FHIP1A: variants seen among roughly 807,000 people sequenced by gnomAD.
FHIP1A encodes FHF complex subunit HOOK interacting protein 1A, also known as FHF complex subunit HOOK-interacting protein 1A.
In FHIP1A, 61 loss-of-function variants were observed where a neutral mutation model predicts 88.6. That is an observed-to-expected ratio of 0.69 (90% confidence interval 0.56 to 0.85). The LOEUF (loss-of-function observed/expected upper bound fraction) is 0.85, where lower values mean the gene tolerates loss of function less well. FHIP1A is among the 40% of genes least tolerant of loss of function. FHIP1A has a pLI of 0.00. For synonymous variants in FHIP1A, 478 were observed against 496.0 expected (o/e 0.96, Z 0.48); for missense variants, 1,154 against 1,273.5 (o/e 0.91, Z 1.43).
At chr4:151,630,860 T>C (rs572244297) in intron 8 of FHIP1A, among the ~76,000 whole-genome samples, 1 of 152,246 alleles carries the variant, frequency 6.6e-6, no homozygotes, top group East Asian at 1.9e-4. Context: ...CAGAAAGAAA[T>C]TTGGGAAATT....
chr4:151,571,313 A>C (rs1221963048), intron 4 of FHIP1A, among the ~76,000 whole-genome samples: 1 of 152,258 alleles, frequency 6.6e-6, no homozygotes, highest in Non-Finnish European at 1.5e-5. Flanking sequence ...TTCTACCTTC[A>C]GCCTTTAAAA....
intron 3 of FHIP1A, among the ~76,000 whole-genome samples, chr4:151,524,135 C>A (rs529359221): frequency 1.3e-5 from 2 of 152,052 alleles, no homozygotes; most frequent in African/African-American, 2.4e-5. Context: ...CACAGTGAAA[C>A]CCTGTCTCTA....
chr4:151,486,971 A>G (rs1730110637), intron 3 of FHIP1A, among the ~76,000 whole-genome samples: 1 of 151,660 alleles, frequency 6.6e-6, no homozygotes, highest in South Asian at 2.1e-4. Context: ...TCCATTTAAA[A>G]AAAAAAAAAA....
chr4:151,488,007 T>C (rs1730146899), intron 3 of FHIP1A, among the ~76,000 whole-genome samples: 2 of 152,210 alleles, frequency 1.3e-5, no homozygotes, highest in Admixed American at 6.5e-5. Flanking sequence ...AAACTACACT[T>C]CTGCTTCTCT....
At chr4:151,568,506 G>C (rs568227256) in intron 4 of FHIP1A, among the ~76,000 whole-genome samples, 2 of 152,274 alleles carry the variant, frequency 1.3e-5, no homozygotes, top group East Asian at 3.9e-4. Flanking sequence ...GAATGAAAAT[G>C]CTGGTTGAAG....
At chr4:151,516,209 C>T (rs1440124945) in intron 3 of FHIP1A, among the ~76,000 whole-genome samples, 1 of 152,168 alleles carries the variant, frequency 6.6e-6, no homozygotes, top group East Asian at 1.9e-4. Context: ...GAAAGGATTC[C>T]CTATTTAATA....
At chr4:151,518,180 C>G (rs550197828) in intron 3 of FHIP1A, among the ~76,000 whole-genome samples, 5 of 152,196 alleles carry the variant, frequency 3.3e-5, no homozygotes, top group Admixed American at 2.0e-4. Flanking sequence ...TTTTATTTTT[C>G]ATACTGTGTT....
intron 1 of FHIP1A, among the ~76,000 whole-genome samples, chr4:151,430,322 C>T (rs1733545782): frequency 6.6e-6 from 1 of 152,142 alleles, no homozygotes; most frequent in East Asian, 1.9e-4. Context: ...TTATAAAGTG[C>T]CTTACATTCC....
rs1234536347 is a variant in FHIP1A at position 151,646,667 on chromosome 4, T to C, written c.1336T>C (p.Cys446Arg). The C allele has an allele frequency of 1.3e-6, 2 of 1,551,658 alleles. No individual in the cohort carries two copies. The highest frequency in any genetic ancestry group is 2.0e-5 in the Admixed American group (1 of 51,012). The change falls in exon 10 of 14, where the codon TGC becomes CGC. Residue 446 changes from cysteine (C) to arginine (R), a missense_variant. Transcript: ENST00000435205. ...GCTTCTCGCCTTGACTCCTGTCTGCTGCTCCAGCGGGATCACTCTGACGCT... is the reference window on the plus strand; with the variant it reads ...GCTTCTCGCCTTGACTCCTGTCTGCCGCTCCAGCGGGATCACTCTGACGCT... ...AKLLALTPVC[C>R]SSGITLTLGN...
chr4:151,445,866 ATATAT>A, intron 1 of FHIP1A, among the ~76,000 whole-genome samples: 1 of 140,626 alleles, frequency 7.1e-6, no homozygotes, highest in Non-Finnish European at 1.5e-5. Context: ...ATATATATAT[ATATAT>A]ATTTCATATG....
chr4:151,557,958 A>G lies in FHIP1A; in HGVS notation c.-122-8180A>G, dbSNP rs577384444. 7.9e-5 allele frequency among the ~76,000 whole-genome samples: 12 copies of G among 152,326 alleles called. No individual in the cohort carries two copies. The South Asian group carries it at 2.1e-3, about 26-fold the overall frequency. ...TGCTACAGTGTATGTTGTTCTATAT[A>G]TAAGGGAGAGACATTGAGAATGTAT... On this transcript the variant is annotated intron_variant, in intron 3 of 13. Coordinates refer to ENST00000435205, the MANE Select transcript of FHIP1A (RefSeq NM_001109977.3).
chr4:151,533,876 A>G (rs1351154604), intron 3 of FHIP1A, among the ~76,000 whole-genome samples: 3 of 152,264 alleles, frequency 2.0e-5, no homozygotes, highest in African/African-American at 7.2e-5. Context: ...TAATGCAATC[A>G]GAAACCCTGT....
At chr4:151,652,130 G>C (rs898048149) in intron 11 of FHIP1A, among the ~76,000 whole-genome samples, 7 of 152,076 alleles carry the variant, frequency 4.6e-5, no homozygotes, top group African/African-American at 1.4e-4. Flanking sequence ...CCTGGGAAAT[G>C]TGTAAATAGA....
At chr4:151,590,567 A>G (rs1196325956) in intron 7 of FHIP1A, among the ~76,000 whole-genome samples, 1 of 152,206 alleles carries the variant, frequency 6.6e-6, no homozygotes, top group Non-Finnish European at 1.5e-5. Flanking sequence ...GCGTGCTTTC[A>G]GTTATGGCAT....
At chr4:151,552,041 G>A (rs1732756285) in intron 3 of FHIP1A, among the ~76,000 whole-genome samples, 1 of 152,194 alleles carries the variant, frequency 6.6e-6, no homozygotes, top group Admixed American at 6.5e-5. Context: ...CTTTTCAAAA[G>A]AAGACATTTA....
rs1306886040 is a variant in FHIP1A, at chr4:151,650,138, G to C, written c.2097G>C (p.Arg699Ser). The change falls in exon 11 of 14, where the codon AGG becomes AGC. Residue 699 changes from arginine to serine, a missense_variant. By Grantham distance (110) the Arg-to-Ser change is moderately radical. Coordinates refer to ENST00000435205, the MANE Select transcript of FHIP1A (RefSeq NM_001109977.3). Reference sequence around the variant, plus strand: ...CAGATTCAGAGGAGGAGTGGAATAGGGACAATTCAGACCCGTTTCACAGTG... The same window carrying C: ...CAGATTCAGAGGAGGAGTGGAATAGCGACAATTCAGACCCGTTTCACAGTG... Reference protein sequence around the residue: ...PETDSEEEWNRDNSDPFHSEP... With the variant: ...PETDSEEEWNSDNSDPFHSEP... 1.3e-6 allele frequency: 2 copies of C among 1,551,640 alleles called. No individual in the cohort carries two copies. Among genetic ancestry groups the C allele is most frequent in the Non-Finnish European group, 1.7e-6 (2 of 1,146,978 alleles).
intron 1 of FHIP1A, among the ~76,000 whole-genome samples, chr4:151,448,146 T>C (rs1187187514): frequency 6.6e-6 from 1 of 152,034 alleles, no homozygotes; most frequent in Non-Finnish European, 1.5e-5. Context: ...CTTGAGCTCC[T>C]GGCCTCAAGT....
At chr4:151,648,444 C>A (rs1205054158) in intron 10 of FHIP1A, among the ~76,000 whole-genome samples, 1 of 152,000 alleles carries the variant, frequency 6.6e-6, no homozygotes, top group East Asian at 1.9e-4. Flanking sequence ...ATTATGTCTA[C>A]CCTAATGCCC....
At chr4:151,525,352 CA>C (rs1398500184) in intron 3 of FHIP1A, among the ~76,000 whole-genome samples, 1 of 152,234 alleles carries the variant, frequency 6.6e-6, no homozygotes, top group Non-Finnish European at 1.5e-5. Context: ...TTGAGAAACA[CA>C]TTGAGCATTT....
Sources: gnomAD v4.1 joint callset for allele counts (sites outside exome capture counted in the v4.1 genomes callset) on GRCh38, gnomAD v4.1.1 for gene constraint, MANE v1.5 for transcripts, NCBI Gene and HGNC (gene_info 2026-07-23, HGNC 2026-07-21) for gene names.